The following CUX1 variants were observed in gnomAD, a reference collection of about 807,000 sequenced individuals.
The protein encoded by CUX1 is protein CASP.
A neutral mutation model predicts 158.8 loss-of-function variants in CUX1; 31 were observed. The ratio of observed to expected loss-of-function variants is 0.20; its 90% CI spans 0.15 to 0.26. CUX1 has a LOEUF of 0.26. Among genes scored for constraint, CUX1 ranks in the 10% least tolerant of loss-of-function variants. CUX1 has a pLI of 1.00. For missense variants in CUX1, 1,589 were observed against 2,014.6 expected, an observed-to-expected ratio of 0.79 and a Z score of 4.04; for synonymous variants, 879 against 862.1, an observed-to-expected ratio of 1.02 and a Z score of -0.34.
At chr7:101,969,770 A>C (rs1811706946) in intron 2 of CUX1, among the ~76,000 whole-genome samples, 1 of 152,144 alleles carries the variant, frequency 6.6e-6, no homozygotes, top group Admixed American at 6.6e-5. Flanking sequence ...TTAGTTGAAA[A>C]TGTGTGCAGT....
intron 1 of CUX1, among the ~76,000 whole-genome samples, chr7:101,902,691 A>T (rs1033826136): frequency 6.6e-6 from 1 of 152,160 alleles, no homozygotes; most frequent in African/African-American, 2.4e-5. Context: ...TGTCTTTGAC[A>T]TCCGTCTTCT....
intron 2 of CUX1, among the ~76,000 whole-genome samples, chr7:101,920,129 T>G (rs1208574554): frequency 1.3e-5 from 2 of 149,580 alleles, no homozygotes; most frequent in African/African-American, 2.4e-5. Flanking sequence ...TTTATGTGTT[T>G]TTTTTTTTTT....
At chr7:102,200,896 A>C (rs1554519445) in intron 17 of CUX1, among the ~76,000 whole-genome samples, 1 of 151,414 alleles carries the variant, frequency 6.6e-6, no homozygotes, top group Admixed American at 6.6e-5. Flanking sequence ...GGTGGCATGC[A>C]CCTGTGGTCC....
chr7:101,846,353 C>G (rs1204082105), intron 1 of CUX1, among the ~76,000 whole-genome samples: 3 of 151,492 alleles, frequency 2.0e-5, no homozygotes, highest in Non-Finnish European at 2.9e-5. Context: ...GGCTGTTGCT[C>G]CATTGCCCAG....
At chr7:102,103,096 A>ACGGACCTGCGCTTTCCCAAGC (rs1199562368) in intron 5 of CUX1, among the ~76,000 whole-genome samples, 8 of 152,124 alleles carry the variant, frequency 5.3e-5, no homozygotes, top group Non-Finnish European at 8.8e-5. Flanking sequence ...CTTTCCCAAG[A>ACGGACCTGCGCTTTCCCAAGC]CAGCCCTGCC....
chr7:101,829,087 G>T (rs979509343), intron 1 of CUX1, among the ~76,000 whole-genome samples: 3 of 152,128 alleles, frequency 2.0e-5, no homozygotes, highest in Non-Finnish European at 4.4e-5. Flanking sequence ...GCCCGGGGAG[G>T]ATTTTGTTGG....
At chr7:101,843,984 C>G (rs1224506780) in intron 1 of CUX1, among the ~76,000 whole-genome samples, 1 of 152,158 alleles carries the variant, frequency 6.6e-6, no homozygotes, top group Non-Finnish European at 1.5e-5. Context: ...GTCTGAGTTC[C>G]CTGAAAACCT....
chr7:101,920,564 G>A (rs1185447147), intron 2 of CUX1, among the ~76,000 whole-genome samples: 1 of 151,894 alleles, frequency 6.6e-6, no homozygotes, highest in East Asian at 1.9e-4. Flanking sequence ...CCCAGTTGAA[G>A]GTTTTCTGTT....
intron 2 of CUX1, among the ~76,000 whole-genome samples, chr7:102,010,945 C>CTTG (rs1817931545): frequency 6.6e-6 from 1 of 151,960 alleles, no homozygotes; most frequent in African/African-American, 2.4e-5. Flanking sequence ...ACCCCCATCT[C>CTTG]TACTAAAAAT....
intron 8 of CUX1, among the ~76,000 whole-genome samples, chr7:102,132,264 A>C (rs1554497438): frequency 6.6e-6 from 1 of 151,772 alleles, no homozygotes; most frequent in Non-Finnish European, 1.5e-5. Context: ...AGACTGGCAA[A>C]AATATTTGCA....
chr7:102,179,010 G>A (rs1004803348), intron 11 of CUX1, among the ~76,000 whole-genome samples: 19 of 152,120 alleles, frequency 1.2e-4, no homozygotes, highest in African/African-American at 1.9e-4. Flanking sequence ...GATCACAGGC[G>A]TGCATCACCA....
At chr7:102,230,329 A>T (rs112102050) in intron 21 of CUX1, among the ~76,000 whole-genome samples, 15,254 of 151,512 alleles carry the variant, frequency 0.1, 1,281 homozygotes, top group African/African-American at 0.23. Flanking sequence ...AAAATTTTTT[A>T]AAAATTATTA....
At chr7:101,846,809 A>C (rs1213370357) in intron 1 of CUX1, among the ~76,000 whole-genome samples, 1 of 152,104 alleles carries the variant, frequency 6.6e-6, no homozygotes, top group Admixed American at 6.6e-5. Flanking sequence ...AAATAATTGC[A>C]GGCTGTGTTG....
At chr7:101,949,194 C>T (rs1293054276) in intron 2 of CUX1, among the ~76,000 whole-genome samples, 8 of 151,812 alleles carry the variant, frequency 5.3e-5, no homozygotes, top group Non-Finnish European at 7.4e-5. Flanking sequence ...TGCAGTAGTG[C>T]GATCTCAGCT....
In CUX1 at chr7:101,921,190, C is replaced by G. The variant is rs555347749; in HGVS notation, c.141+4965C>G. Reference sequence around the variant, plus strand: ...CTGTGCGTCTTGGGGCAGATACCTCCCAAAGCCCCAGTTCTGTCATCTATA... The same window carrying G: ...CTGTGCGTCTTGGGGCAGATACCTCGCAAAGCCCCAGTTCTGTCATCTATA... On this transcript the variant is annotated intron_variant, in intron 2 of 23. Coordinates refer to ENST00000292535, the MANE Select transcript of CUX1 (RefSeq NM_181552.4). Among the ~76,000 whole-genome samples the G allele has an allele frequency of 5.9e-5, 9 of 152,250 alleles. No individual in the cohort carries two copies. In the East Asian group the frequency reaches 1.5e-3, roughly 26 times the overall value.
At chr7:102,146,082 CT>C (rs1834991543) in intron 8 of CUX1, among the ~76,000 whole-genome samples, 1 of 152,192 alleles carries the variant, frequency 6.6e-6, no homozygotes. Context: ...ACAAAGGAAC[CT>C]GCACACCCAG....
At chr7:102,225,124 T>A (rs1798214581) in intron 20 of CUX1, among the ~76,000 whole-genome samples, 1 of 152,150 alleles carries the variant, frequency 6.6e-6, no homozygotes, top group South Asian at 2.1e-4. Flanking sequence ...AAGATTCACA[T>A]TGCCCTAAAG....
intron 2 of CUX1, among the ~76,000 whole-genome samples, chr7:101,931,399 A>G (rs1806272873): frequency 6.6e-6 from 1 of 152,198 alleles, no homozygotes; most frequent in South Asian, 2.1e-4. Flanking sequence ...TTTAGTGAGC[A>G]CTTACTGCAT....
At chr7:102,062,067 T>C (rs1053660826) in intron 3 of CUX1, among the ~76,000 whole-genome samples, 1 of 152,224 alleles carries the variant, frequency 6.6e-6, no homozygotes, top group Non-Finnish European at 1.5e-5. Context: ...GTGGAGGAAG[T>C]AGGTCCTATA....
Sources: gnomAD v4.1 joint callset for allele counts (sites outside exome capture counted in the v4.1 genomes callset) on GRCh38, gnomAD v4.1.1 for gene constraint, MANE v1.5 for transcripts, NCBI Gene and HGNC (gene_info 2026-07-23, HGNC 2026-07-21) for gene names.